The following POMC variants were observed in gnomAD, a reference collection of about 807,000 sequenced individuals.
POMC encodes the protein pro-opiomelanocortin.
Under a neutral mutation model 18.5 loss-of-function variants are expected in POMC, and 19 were observed. The ratio of observed to expected loss-of-function variants is 1.03; its 90% CI spans 0.72 to 1.51. The LOEUF is 1.51. POMC is among the 40% of genes most tolerant of loss of function. The pLI, the probability that POMC is intolerant of heterozygous loss-of-function variation, is 0.00. For synonymous variants in POMC, 179 were observed against 161.9 expected (o/e 1.11, Z -0.80); for missense variants, 451 against 379.0 (o/e 1.19, Z -1.58).
chr2:25,162,019 C>T (rs983153167), intron 2 of POMC, among the ~76,000 whole-genome samples: 2 of 152,240 alleles, frequency 1.3e-5, no homozygotes, highest in African/African-American at 2.4e-5. Flanking sequence ...AACACACTTC[C>T]CATCCCATTC....
rs756296347 is a variant in POMC at position 25,164,776 on chromosome 2, C to T, written c.-4G>A. 13 of 1,613,610 alleles carry T rather than the reference C, an allele frequency of 8.1e-6. 1 individual carries two copies. The South Asian group carries it at 1.4e-4, about 18-fold the overall frequency. ...GGCTGCAGCACGATCTCGGCATCTTCCAGGCAGGCTGAGGCTCTGCAGAAG... is the reference window on the plus strand; with the variant it reads ...GGCTGCAGCACGATCTCGGCATCTTTCAGGCAGGCTGAGGCTCTGCAGAAG... On this transcript the variant is annotated 5_prime_UTR_variant, in exon 2 of 3. Coordinates refer to ENST00000395826, the MANE Select transcript of POMC (RefSeq NM_000939.4).
intron 1 of POMC, among the ~76,000 whole-genome samples, chr2:25,165,117 C>T (rs1007781717): frequency 3.9e-5 from 6 of 152,094 alleles, no homozygotes; most frequent in Non-Finnish European, 5.9e-5. Flanking sequence ...AAATTGAAGC[C>T]CAAAGAGAGA....
At chr2:25,164,833 C>A in intron 1 of POMC, 41 bp from the exon 2 acceptor site, 2 of 1,608,514 alleles carry the variant, frequency 1.2e-6, no homozygotes, top group South Asian at 1.1e-5. Context: ...CTGCAAGGAG[C>A]AAAACAATGT....
rs1338212369 is a variant in POMC, at chr2:25,161,892, T to A, written c.133-140A>T. On this transcript the variant is annotated intron_variant, in intron 2 of 2. Coordinates refer to ENST00000395826, the MANE Select transcript of POMC (RefSeq NM_000939.4). The surrounding 1 kb of genome is among the most constrained non-coding windows in gnomAD (Gnocchi z 5.7). ...GGCACAGTGTCGGGCGTGTCAAGCGTCGAGGCCTCCCTACAGAGCAGGTCT... is the reference window on the plus strand; with the variant it reads ...GGCACAGTGTCGGGCGTGTCAAGCGACGAGGCCTCCCTACAGAGCAGGTCT... 6 of 1,392,034 alleles carry A rather than the reference T, an allele frequency of 4.3e-6. No homozygotes were observed. Among genetic ancestry groups the A allele is most frequent in the African/African-American group, 1.5e-5 (1 of 66,764 alleles). 86.2% of individuals were successfully genotyped at this position (1,392,034 alleles called of 1,614,324 possible). A position where few individuals can be genotyped will look rare whatever the true frequency, so the allele number is the denominator to read the frequency against.
chr2:25,167,197 C>T (rs1195322236), intron 1 of POMC, among the ~76,000 whole-genome samples: 1 of 152,094 alleles, frequency 6.6e-6, no homozygotes, highest in Non-Finnish European at 1.5e-5. Flanking sequence ...ATACATGCAT[C>T]GAGTCCTATA....
rs372471022 is a variant in POMC at position 25,168,127 on chromosome 2, A to C, written c.-21+371T>G. On this transcript the variant is annotated intron_variant, in intron 1 of 2. Coordinates refer to ENST00000395826, the MANE Select transcript of POMC (RefSeq NM_000939.4). This position sits in a 1 kb window ranked among gnomAD's most constrained non-coding sequence, Gnocchi z 5.2. Reference sequence around the variant, plus strand: ...AGAGATCACCCCTTTGCTCTCCAGCATGGGCAACAAGAGCGAAACTCCGTC... The same window carrying C: ...AGAGATCACCCCTTTGCTCTCCAGCCTGGGCAACAAGAGCGAAACTCCGTC... 4.7e-5 allele frequency among the ~76,000 whole-genome samples: 7 copies of C among 147,816 alleles called. No individual in the cohort carries two copies. Among genetic ancestry groups the C allele is most frequent in the East Asian group, 2.1e-4 (1 of 4,864 alleles).
In POMC at chr2:25,161,491, G is replaced by T. The variant is rs8192606; in HGVS notation, c.394C>A (p.Pro132Thr). Reference protein sequence around the residue: ...EPRSDGAKPGPREGKRSYSME... With the variant: ...EPRSDGAKPGTREGKRSYSME... ...GAGTAGGAGCGCTTGCCCTCGCGCG[G>T]GCCCGGCTTGGCACCATCGCTGCGG... is the stretch of plus-strand genomic sequence containing the variant. Residue 132 changes from proline to threonine, a missense_variant, in exon 3 of 3, where the codon CCG becomes ACG. Pro to Thr is a conservative substitution (Grantham distance 38). Transcript: ENST00000395826. This position sits in a 1 kb window ranked among gnomAD's most constrained non-coding sequence, Gnocchi z 5.7. 1.9e-6 allele frequency: 3 copies of T among 1,604,462 alleles called. No homozygotes were observed. Among genetic ancestry groups the T allele is most frequent in the Non-Finnish European group, 2.5e-6 (3 of 1,176,680 alleles).
Position 25,164,764 on chromosome 2 carries a change from T to C in POMC, c.9A>G (p.Arg3=). 2.5e-6 allele frequency: 4 copies of C among 1,613,832 alleles called. No individual in the cohort carries two copies. Among genetic ancestry groups the C allele is most frequent in the Non-Finnish European group, 2.5e-6 (3 of 1,180,028 alleles). ...GGGCCCCCGAGCGGCTGCAGCACGATCTCGGCATCTTCCAGGCAGGCTGAG... is the reference window on the plus strand; with the variant it reads ...GGGCCCCCGAGCGGCTGCAGCACGACCTCGGCATCTTCCAGGCAGGCTGAG... The part of the protein sequence containing the change: MP[R]SCCSRSGALL... The change falls in exon 2 of 3, where the codon AGA becomes AGG. Residue 3 remains arginine (R), a synonymous_variant. Coordinates refer to ENST00000395826, the MANE Select transcript of POMC (RefSeq NM_000939.4).
At chr2:25,165,282 T>A (rs969198851) in intron 1 of POMC, among the ~76,000 whole-genome samples, 2 of 152,240 alleles carry the variant, frequency 1.3e-5, no homozygotes, top group Non-Finnish European at 2.9e-5. Context: ...CTCAAGATGG[T>A]CTTTTCCCTT....
At chr2:25,166,879 A>AG (rs1245108272) in intron 1 of POMC, among the ~76,000 whole-genome samples, 16 of 152,260 alleles carry the variant, frequency 1.1e-4, no homozygotes, top group African/African-American at 3.9e-4. Context: ...ACAATGAACA[A>AG]ATAGTACCTT....
rs551447296 is a variant in POMC at position 25,166,348 on chromosome 2, C to T, written c.-20-1556G>A. On this transcript the variant is annotated intron_variant, in intron 1 of 2. Coordinates refer to ENST00000395826, the MANE Select transcript of POMC (RefSeq NM_000939.4). ...CAAGGGACAGGCTGTTCCCATTGTACCCTGCCAGTGATCTATTCAAGTACA... is the reference window on the plus strand; with the variant it reads ...CAAGGGACAGGCTGTTCCCATTGTATCCTGCCAGTGATCTATTCAAGTACA... 5.9e-5 allele frequency among the ~76,000 whole-genome samples: 9 copies of T among 152,312 alleles called. No homozygotes were observed. In the East Asian group the frequency reaches 1.5e-3, roughly 26 times the overall value.
intron 1 of POMC, among the ~76,000 whole-genome samples, chr2:25,166,783 T>C (rs1671571748): frequency 6.6e-6 from 1 of 152,262 alleles, no homozygotes; most frequent in Non-Finnish European, 1.5e-5. Context: ...AAACTTCAGA[T>C]TCTTCCCTGA....
rs768540647 is a variant in POMC, at chr2:25,161,388, T to G, written c.497A>C (p.Asp166Ala). The G allele has an allele frequency of 6.2e-7, 1 of 1,608,526 alleles. No homozygotes were observed. The highest frequency in any genetic ancestry group is 8.5e-7 in the Non-Finnish European group (1 of 1,177,994). The part of the protein sequence containing the change: ...PVKVYPNGAE[D>A]ESAEAFPLEF... ...CAGGGGGAAGGCCTCGGCCGACTCG[T>G]CCTCGGCGCCGTTAGGGTACACCTT... Residue 166 changes from aspartate to alanine, a missense_variant, in exon 3 of 3, where the codon GAC becomes GCC. Coordinates refer to ENST00000395826, the MANE Select transcript of POMC (RefSeq NM_000939.4). The surrounding 1 kb of genome is among the most constrained non-coding windows in gnomAD (Gnocchi z 5.7).
chr2:25,166,663 C>A (rs1373325533), intron 1 of POMC, among the ~76,000 whole-genome samples: 1 of 152,214 alleles, frequency 6.6e-6, no homozygotes, highest in Non-Finnish European at 1.5e-5. Flanking sequence ...GAGAGCATTT[C>A]CCCTCCTTAT....
In POMC at chr2:25,161,717, G is replaced by A. The variant is rs777627899; in HGVS notation, c.168C>T (p.Ala56=). ...CIRACKPDLS[A]ETPMFPGNGD... is the part of the protein sequence containing the mutation. Reference sequence around the variant, plus strand: ...CATTTCCCGGGAACATGGGAGTCTCGGCCGAGAGGTCGGGCTTGCAGGCCC... The same window carrying A: ...CATTTCCCGGGAACATGGGAGTCTCAGCCGAGAGGTCGGGCTTGCAGGCCC... The change falls in exon 3 of 3, where the codon GCC becomes GCT. Residue 56 remains alanine, a synonymous_variant. Coordinates refer to ENST00000395826, the MANE Select transcript of POMC (RefSeq NM_000939.4). The surrounding 1 kb of genome is among the most constrained non-coding windows in gnomAD (Gnocchi z 5.7). 2.5e-6 allele frequency: 4 copies of A among 1,592,874 alleles called. No individual in the cohort carries two copies. Among genetic ancestry groups the A allele is most frequent in the African/African-American group, 2.7e-5 (2 of 74,288 alleles).
chr2:25,166,769 G>A (rs185743921), intron 1 of POMC, among the ~76,000 whole-genome samples: 53 of 152,280 alleles, frequency 3.5e-4, no homozygotes, highest in Admixed American at 2.7e-3. Flanking sequence ...GGCTGCTATT[G>A]CTAAAACTTC....
Position 25,161,867 on chromosome 2 carries a change from G to A in POMC, c.133-115C>T. The stretch of plus-strand genomic sequence containing the variant: ...CCCTCGCCACGTGCCGAGGACACAG[G>A]GCACAGTGTCGGGCGTGTCAAGCGT... On this transcript the variant is annotated intron_variant, in intron 2 of 2. Transcript: ENST00000395826. The surrounding 1 kb of genome is among the most constrained non-coding windows in gnomAD (Gnocchi z 5.7). 1 of 1,438,110 alleles carries A rather than the reference G, an allele frequency of 7.0e-7. No homozygotes were observed. The highest frequency in any genetic ancestry group is 9.1e-7 in the Non-Finnish European group (1 of 1,099,202). The allele number at this position is 1,438,110 out of a possible 1,614,324, so 89.1% of individuals were successfully genotyped here.
rs28932470 is a variant in POMC, at chr2:25,161,727, T to G, written c.158A>C (p.Asp53Ala). ...GAACATGGGAGTCTCGGCCGAGAGG[T>G]CGGGCTTGCAGGCCCGGATGCACTC... is the stretch of plus-strand genomic sequence containing the variant. ...LLECIRACKP[D>A]LSAETPMFPG... Residue 53 changes from aspartate to alanine, a missense_variant, in exon 3 of 3, where the codon GAC (aspartate) becomes GCC (alanine). Asp to Ala is a moderately radical substitution (Grantham distance 126). Coordinates refer to ENST00000395826, the MANE Select transcript of POMC (RefSeq NM_000939.4). The surrounding 1 kb of genome is among the most constrained non-coding windows in gnomAD (Gnocchi z 5.7). 1.3e-6 allele frequency: 2 copies of G among 1,593,982 alleles called. No homozygotes were observed. The highest frequency in any genetic ancestry group is 1.7e-5 in the Admixed American group (1 of 58,084).
At chr2:25,166,027 A>G (rs865948070) in intron 1 of POMC, among the ~76,000 whole-genome samples, 19 of 152,362 alleles carry the variant, frequency 1.2e-4, no homozygotes, top group African/African-American at 4.6e-4. Context: ...TAAATCTCTC[A>G]TTTGGGGAGG....
Sources: allele counts gnomAD v4.1 joint callset (sites outside exome capture counted in the v4.1 genomes callset), GRCh38; gene constraint gnomAD v4.1.1; non-coding constraint Gnocchi (gnomAD v3.1); transcripts MANE v1.5; gene names NCBI Gene and HGNC (gene_info 2026-07-23, HGNC 2026-07-21).